The following MPRIP variants were observed in gnomAD, a reference collection of about 807,000 sequenced individuals.
The protein encoded by MPRIP is myosin phosphatase Rho-interacting protein.
A neutral mutation model predicts 234.9 loss-of-function variants in MPRIP; 59 were observed. The observed-to-expected ratio is 0.25, with a 90% confidence interval of 0.20 to 0.31. MPRIP has a LOEUF of 0.31. MPRIP is among the 10% of genes least tolerant of loss of function. The pLI is 1.00. For missense variants in MPRIP, 2,436 were observed against 3,071.0 expected (o/e 0.79, Z 4.89); for synonymous variants, 1,144 against 1,263.9 (o/e 0.91, Z 2.01).
intron 5 of MPRIP, among the ~76,000 whole-genome samples, chr17:17,135,286 G>A (rs1041925098): frequency 4.2e-5 from 2 of 47,256 alleles, no homozygotes; most frequent in African/African-American, 1.7e-4. Context: ...TTCTCCCTCG[G>A]AGCTACCACT....
intron 13 of MPRIP, among the ~76,000 whole-genome samples, chr17:17,157,033 G>T (rs1324416220): frequency 6.6e-6 from 1 of 152,186 alleles, no homozygotes; most frequent in African/African-American, 2.4e-5. Context: ...TCCTCAGGTG[G>T]GCTTGCAACT....
rs921152099 is a variant in MPRIP at position 17,173,970 on chromosome 17, G to A, written c.6645G>A (p.Ser2215=). The change falls in exon 19 of 24, where the codon TCG becomes TCA. Residue 2215 remains serine, a synonymous_variant. Transcript: ENST00000651222. The part of the protein sequence containing the change: ...RELEVLSEQY[S]QKCLENAHLA... The stretch of plus-strand genomic sequence containing the variant: ...TGGAGGTCCTCTCGGAGCAGTACTC[G>A]CAGAAGTGCCTGGAGAATGCCCATC... The A allele has an allele frequency of 3.7e-6, 6 of 1,613,718 alleles. No individual in the cohort carries two copies. Among genetic ancestry groups the A allele is most frequent in the African/African-American group, 1.3e-5 (1 of 75,070 alleles).
In MPRIP at chr17:17,164,577, C is replaced by G. The variant is rs570857049; in HGVS notation, c.2986C>G (p.Arg996Gly). 8.3e-7 allele frequency: 1 copy of G among 1,210,874 alleles called. No individual in the cohort carries two copies. The highest frequency in any genetic ancestry group is 3.6e-5 in the Admixed American group (1 of 27,978). The allele number at this position is 1,210,874 out of a possible 1,614,324, so 75.0% of individuals were successfully genotyped here. A position where few individuals can be genotyped will look rare whatever the true frequency, so the allele number is the denominator to read the frequency against. ...GAAGGAGGTCCAGAGGCTGCAGGAG[C>G]GCATTGCCGACCTCAGCCAGCAACT... ...RQKEVQRLQERIADLSQQLGA... is the reference protein window; with the variant it reads ...RQKEVQRLQEGIADLSQQLGA... Residue 996 changes from arginine to glycine, a missense_variant, in exon 16 of 24, where the codon CGC becomes GGC. Arg to Gly is a moderately radical substitution (Grantham distance 125). Transcript: ENST00000651222.
At chr17:17,086,120 C>T (rs1448234709) in intron 3 of MPRIP, among the ~76,000 whole-genome samples, 1 of 152,102 alleles carries the variant, frequency 6.6e-6, no homozygotes, top group Non-Finnish European at 1.5e-5. Flanking sequence ...CCAGTGGTGA[C>T]TGGTGAATGA....
chr17:17,135,882 G>A (rs868117693), intron 5 of MPRIP, among the ~76,000 whole-genome samples: 12 of 152,226 alleles, frequency 7.9e-5, no homozygotes, highest in Non-Finnish European at 1.3e-4. Context: ...AGCAGAGGGT[G>A]GGTAAGGCCA....
chr17:17,142,649 T>A lies in MPRIP; in HGVS notation c.1273T>A (p.Phe425Ile), dbSNP rs1242141432. ...CAGGAGGTCCCAGGTGATTGAAAAG[T>A]TTGAGGCCTTGGACATTGAGAAGGC... ...ERRRSQVIEK[F>I]EALDIEKAEH... The change falls in exon 8 of 24, where the codon TTT becomes ATT. Residue 425 changes from phenylalanine (F) to isoleucine (I), a missense_variant. By Grantham distance (21) the Phe-to-Ile change is conservative. This residue lies in a region of MPRIP where 267 missense variants were observed against 252.7 expected (regional missense o/e 1.06). Coordinates refer to ENST00000651222, the MANE Select transcript of MPRIP (RefSeq NM_001364716.4). 1.2e-6 allele frequency: 2 copies of A among 1,611,712 alleles called. No individual in the cohort carries two copies. Among genetic ancestry groups the A allele is most frequent in the Non-Finnish European group, 1.7e-6 (2 of 1,179,946 alleles).
chr17:17,139,721 C>G (rs2090774752), intron 7 of MPRIP, among the ~76,000 whole-genome samples: 1 of 152,208 alleles, frequency 6.6e-6, no homozygotes, highest in South Asian at 2.1e-4. Flanking sequence ...GATGAAAAGG[C>G]CTGTGAGCCT....
intron 7 of MPRIP, among the ~76,000 whole-genome samples, chr17:17,139,995 G>T (rs1381624988): frequency 1.3e-5 from 2 of 152,244 alleles, no homozygotes; most frequent in Non-Finnish European, 2.9e-5. Context: ...AGCTGGTGCA[G>T]ATCCCAGTGG....
intron 1 of MPRIP, among the ~76,000 whole-genome samples, chr17:17,044,938 C>G (rs1225531496): frequency 6.6e-6 from 1 of 152,156 alleles, no homozygotes; most frequent in Non-Finnish European, 1.5e-5. Flanking sequence ...CATTCTACCT[C>G]CTGGGATCTT....
At chr17:17,145,983 T>G in intron 9 of MPRIP, 53 bp from the exon 10 acceptor site, 1 of 1,554,188 alleles carries the variant, frequency 6.4e-7, no homozygotes, top group Non-Finnish European at 8.9e-7. Flanking sequence ...CATCAGACAC[T>G]CATGACACTA....
In MPRIP at chr17:17,113,553, C is replaced by G. The variant is rs541094883; in HGVS notation, c.268-13149C>G. Among the ~76,000 whole-genome samples, 52 of 152,294 alleles carry G rather than the reference C, an allele frequency of 3.4e-4. 2 individuals carry two copies. The South Asian group carries it at 8.3e-3, about 24-fold the overall frequency. The stretch of plus-strand genomic sequence containing the variant: ...GTTTATTCATCTATCTATTGGTGGA[C>G]ACTGGAGCTGCTTCCATCTGTTGGC... On this transcript the variant is annotated intron_variant, in intron 3 of 23. Coordinates refer to ENST00000651222, the MANE Select transcript of MPRIP (RefSeq NM_001364716.4).
At chr17:17,177,984 T>C (rs2046292809) in intron 22 of MPRIP, among the ~76,000 whole-genome samples, 1 of 150,422 alleles carries the variant, frequency 6.6e-6, no homozygotes, top group Non-Finnish European at 1.5e-5. Context: ...TGGAATGCAA[T>C]GGCGTGATTT....
At chr17:17,073,724 G>A (rs1302976154) in intron 1 of MPRIP, among the ~76,000 whole-genome samples, 2 of 152,170 alleles carry the variant, frequency 1.3e-5, no homozygotes, top group African/African-American at 2.4e-5. Context: ...CCTGGGTGGG[G>A]TGTGGAGAGG....
intron 14 of MPRIP, among the ~76,000 whole-genome samples, chr17:17,159,597 A>G (rs1033207104): frequency 6.6e-6 from 1 of 152,208 alleles, no homozygotes; most frequent in Non-Finnish European, 1.5e-5. Flanking sequence ...CTAGGTACAT[A>G]GATGAACAAG....
At position 17,167,005 on chromosome 17, in the gene MPRIP, C is replaced by T. The variant is rs752087260; in HGVS notation, c.5414C>T (p.Pro1805Leu). ...EIAAALPSLP[P>L]VESLRDCQKL... ...GCGGCTGCCTTACCATCTCTGCCAC[C>T]TGTGGAATCGCTGAGAGATTGCCAG... The change falls in exon 16 of 24, where the codon CCT becomes CTT. Residue 1805 changes from proline (P) to leucine (L), a missense_variant. This residue lies in a region of MPRIP where 1,998 missense variants were observed against 2,520.3 expected (regional missense o/e 0.79). Transcript: ENST00000651222. This position sits in a 1 kb window ranked among gnomAD's most constrained non-coding sequence, Gnocchi z 5.9. 3.1e-6 allele frequency: 4 copies of T among 1,304,282 alleles called. No homozygotes were observed. In the South Asian group the frequency reaches 4.9e-5, roughly 16 times the overall value. The allele number at this position is 1,304,282 out of a possible 1,614,324, so 80.8% of individuals were successfully genotyped here. A position where few individuals can be genotyped will look rare whatever the true frequency, so the allele number is the denominator to read the frequency against.
intron 3 of MPRIP, among the ~76,000 whole-genome samples, chr17:17,123,630 G>A (rs571115279): frequency 7.6e-4 from 115 of 151,418 alleles, no homozygotes; most frequent in Non-Finnish European, 1.4e-3. Flanking sequence ...CTTGAACCCA[G>A]GGGATGGAGG....
In MPRIP at chr17:17,143,586, C is replaced by T. The variant is rs563021517; in HGVS notation, c.1420C>T (p.Leu474Phe). 2 of 1,603,816 alleles carry T rather than the reference C, an allele frequency of 1.2e-6. No homozygotes were observed. The highest frequency in any genetic ancestry group is 2.3e-5 in the South Asian group (2 of 88,500). The change falls in exon 9 of 24, where the codon CTC becomes TTC. Residue 474 changes from leucine (L) to phenylalanine (F), a missense_variant. Around this residue, in one of 4 missense-constraint regions of MPRIP, gnomAD observed 267 missense variants for 252.7 expected, o/e 1.06. Transcript: ENST00000651222. Reference protein sequence around the residue: ...DFTNEAPPAPLPDASASPLSP... With the variant: ...DFTNEAPPAPFPDASASPLSP... The stretch of plus-strand genomic sequence containing the variant: ...CACCAATGAAGCCCCCCCAGCTCCT[C>T]TCCCAGACGCCTCGGCTTCCCCCCT...
intron 1 of MPRIP, among the ~76,000 whole-genome samples, chr17:17,072,808 C>T (rs554146788): frequency 2.0e-5 from 3 of 152,232 alleles, no homozygotes; most frequent in South Asian, 4.1e-4. Flanking sequence ...GGCCCCATGG[C>T]GCCATCATTC....
chr17:17,154,251 G>C, intron 12 of MPRIP, 55 bp from the exon 13 acceptor site: 3 of 1,493,740 alleles, frequency 2.0e-6, no homozygotes, highest in Non-Finnish European at 2.8e-6. Context: ...GGAGATGGAG[G>C]GCAGCAGGCA....
Sources: gnomAD v4.1 joint callset for allele counts (sites outside exome capture counted in the v4.1 genomes callset) on GRCh38, gnomAD v4.1.1 for gene constraint, gnomAD v4.1.1 regional missense constraint, Gnocchi (gnomAD v3.1) non-coding constraint, MANE v1.5 for transcripts, NCBI Gene and HGNC (gene_info 2026-07-23, HGNC 2026-07-21) for gene names.